Variants in CSMD1 observed in about 807,000 individuals in gnomAD.
CSMD1 encodes CUB and sushi domain-containing protein 1.
CSMD1 carries 213 observed loss-of-function variants against 417.5 expected under a neutral mutation model. That is an observed-to-expected ratio of 0.51 (90% confidence interval 0.46 to 0.57). CSMD1 has a LOEUF of 0.57. CSMD1 is among the 20% of genes least tolerant of loss of function. CSMD1 has a pLI of 0.00. For synonymous variants in CSMD1, 2,862 were observed against 1,736.8 expected, an observed-to-expected ratio of 1.65 and a Z score of -16.11; for missense variants, 6,923 against 4,529.7, an observed-to-expected ratio of 1.53 and a Z score of -15.17.
intron 49 of CSMD1, among the ~76,000 whole-genome samples, chr8:3,075,370 C>T (rs1193725037): frequency 6.6e-6 from 1 of 150,536 alleles, no homozygotes; most frequent in Non-Finnish European, 1.5e-5. Context: ...CAACCTCCAC[C>T]TCCTGGATTC....
intron 3 of CSMD1, among the ~76,000 whole-genome samples, chr8:4,144,441 T>C (rs915041761): frequency 6.6e-6 from 1 of 151,256 alleles, no homozygotes; most frequent in Non-Finnish European, 1.5e-5. Context: ...CACATTTCTC[T>C]AGTTTCAACT....
At chr8:4,364,774 G>C (rs1278524846) in intron 3 of CSMD1, among the ~76,000 whole-genome samples, 1 of 15,948 alleles carries the variant, frequency 6.3e-5, no homozygotes, top group African/African-American at 1.1e-3. Context: ...GCAGTGAGCC[G>C]AGATCCCGCC....
intron 3 of CSMD1, among the ~76,000 whole-genome samples, chr8:4,417,156 C>G (rs1399355664): frequency 6.6e-6 from 1 of 151,970 alleles, no homozygotes; most frequent in Non-Finnish European, 1.5e-5. Flanking sequence ...GGTCTATATT[C>G]AGAAAGTCAA....
At chr8:3,814,826 T>G (rs1280761003) in intron 5 of CSMD1, among the ~76,000 whole-genome samples, 1 of 152,184 alleles carries the variant, frequency 6.6e-6, no homozygotes, top group Non-Finnish European at 1.5e-5. Flanking sequence ...CCAACTCCAG[T>G]ACCATGAAGA....
At chr8:3,075,905 G>T (rs1335264418) in intron 49 of CSMD1, among the ~76,000 whole-genome samples, 2 of 149,524 alleles carry the variant, frequency 1.3e-5, no homozygotes, top group African/African-American at 2.5e-5. Context: ...AAAAAAATTA[G>T]CCGGGCGTGG....
At chr8:4,154,430 T>G (rs769889683) in intron 3 of CSMD1, among the ~76,000 whole-genome samples, 4 of 152,186 alleles carry the variant, frequency 2.6e-5, no homozygotes, top group Non-Finnish European at 5.9e-5. Context: ...GATGCCACTT[T>G]ATTGCCTCAA....
chr8:4,239,399 CT>C (rs1156872050), intron 3 of CSMD1, among the ~76,000 whole-genome samples: 5 of 152,270 alleles, frequency 3.3e-5, no homozygotes, highest in Admixed American at 2.0e-4. Flanking sequence ...TGGGATCTAT[CT>C]AACTGTGATT....
intron 3 of CSMD1, among the ~76,000 whole-genome samples, chr8:4,245,524 G>C (rs1029449504): frequency 6.6e-6 from 1 of 152,112 alleles, no homozygotes; most frequent in African/African-American, 2.4e-5. Context: ...CCAATCCATG[G>C]TCTCTCCATG....
intron 4 of CSMD1, among the ~76,000 whole-genome samples, chr8:4,027,322 A>G (rs1157551531): frequency 6.6e-6 from 1 of 152,188 alleles, no homozygotes; most frequent in Non-Finnish European, 1.5e-5. Context: ...GGATGATGGT[A>G]TGCTTTGGCT....
intron 5 of CSMD1, among the ~76,000 whole-genome samples, chr8:3,833,219 C>T (rs190919788): frequency 4.6e-5 from 7 of 152,008 alleles, no homozygotes; most frequent in African/African-American, 1.2e-4. Context: ...TTTTTTTGTC[C>T]GTACTGTAAT....
At chr8:4,338,663 G>C (rs921628344) in intron 3 of CSMD1, among the ~76,000 whole-genome samples, 9 of 152,062 alleles carry the variant, frequency 5.9e-5, no homozygotes, top group African/African-American at 9.7e-5. Context: ...GCTCACGGGT[G>C]AGTCAGAAAT....
At chr8:2,965,194 T>C (rs1008447832) in intron 59 of CSMD1, among the ~76,000 whole-genome samples, 3 of 152,206 alleles carry the variant, frequency 2.0e-5, no homozygotes, top group Non-Finnish European at 4.4e-5. Context: ...CCACTCACTC[T>C]GCTTTACTGA....
At chr8:3,457,855 G>A (rs1194316305) in intron 12 of CSMD1, among the ~76,000 whole-genome samples, 1 of 152,116 alleles carries the variant, frequency 6.6e-6, no homozygotes, top group Admixed American at 6.5e-5. Flanking sequence ...AAAGATGTGG[G>A]AGAATGTTAT....
intron 23 of CSMD1, among the ~76,000 whole-genome samples, chr8:3,330,431 T>C (rs1198202697): frequency 6.6e-6 from 1 of 152,180 alleles, no homozygotes; most frequent in Non-Finnish European, 1.5e-5. Context: ...AGGAATGAGA[T>C]CATGTCTTTT....
chr8:4,750,639 T>C (rs989260602), intron 1 of CSMD1, among the ~76,000 whole-genome samples: 9 of 152,114 alleles, frequency 5.9e-5, no homozygotes, highest in East Asian at 1.9e-4. Context: ...GACATACACA[T>C]CTAAATAAAA....
chr8:4,231,763 C>G (rs1417120786), intron 3 of CSMD1, among the ~76,000 whole-genome samples: 1 of 152,140 alleles, frequency 6.6e-6, no homozygotes, highest in Admixed American at 6.6e-5. Flanking sequence ...ACACTGTTGG[C>G]CATGCCACAG....
At chr8:3,666,964 C>G (rs1798724013) in intron 7 of CSMD1, among the ~76,000 whole-genome samples, 1 of 152,158 alleles carries the variant, frequency 6.6e-6, no homozygotes, top group African/African-American at 2.4e-5. Context: ...GCATTGCAGT[C>G]TAATTGTAAG....
At position 3,199,709 on chromosome 8, in the gene CSMD1, C is replaced by G; in HGVS notation, c.5194+5G>C. The G allele has an allele frequency of 6.4e-7, 1 of 1,573,622 alleles. No homozygotes were observed. Among genetic ancestry groups the G allele is most frequent in the Non-Finnish European group, 8.6e-7 (1 of 1,157,370 alleles). ...ACATGTGGAGACATGTGGAGTGACG[C>G]TTACCTTGATACACGAAGTGGAAGC... On this transcript the variant is annotated splice_donor_5th_base_variant and intron_variant, in intron 33 of 69. Transcript: ENST00000635120.
rs1174128440 is a variant in CSMD1, at chr8:3,313,090, A to G, written c.3632-4587T>C. On this transcript the variant is annotated intron_variant, in intron 23 of 69. Coordinates refer to ENST00000635120, the MANE Select transcript of CSMD1 (RefSeq NM_033225.6). ...TGATGTTAATTCTGCACTATTTCAG[A>G]AAAGAATGTTTCCATGTTTTAAGAA... is the stretch of plus-strand genomic sequence containing the variant. Among the ~76,000 whole-genome samples the G allele has an allele frequency of 3.3e-5, 5 of 152,244 alleles. 1 individual carries two copies. Among genetic ancestry groups the G allele is most frequent in the Admixed American group, 3.3e-4 (5 of 15,282 alleles).
Sources: allele counts gnomAD v4.1 joint callset (sites outside exome capture counted in the v4.1 genomes callset), GRCh38; gene constraint gnomAD v4.1.1; transcripts MANE v1.5; gene names NCBI Gene and HGNC (gene_info 2026-07-23, HGNC 2026-07-21).